Variants in PLK5 observed in about 807,000 individuals in gnomAD.
The protein encoded by PLK5 is polo like kinase 5 (inactive), also known as inactive serine/threonine-protein kinase PLK5.
Under a neutral mutation model 33.7 loss-of-function variants are expected in PLK5, and 28 were observed. That is an observed-to-expected ratio of 0.83 (90% CI 0.62 to 1.14). The LOEUF is 1.14. Among genes scored for constraint, PLK5 ranks in the 50% most tolerant of loss-of-function variants. The pLI is 0.00. For synonymous variants in PLK5, 225 were observed against 202.2 expected, an observed-to-expected ratio of 1.11 and a Z score of -0.96; for missense variants, 492 against 461.5, an observed-to-expected ratio of 1.07 and a Z score of -0.61.
At chr19:1,529,176 C>T (rs542761191) in intron 9 of PLK5, 10 of 647,004 alleles carry the variant, frequency 1.5e-5, no homozygotes, top group East Asian at 2.8e-5. Context: ...TCCCAAGGGC[C>T]GGGCTCGAGG....
At chr19:1,532,901 C>T (rs960962513) in intron 12 of PLK5, among the ~76,000 whole-genome samples, 25 of 150,588 alleles carry the variant, frequency 1.7e-4, no homozygotes, top group African/African-American at 2.2e-4. Flanking sequence ...CTCCTGACCT[C>T]GTGATCTGCC....
In PLK5 at chr19:1,531,836, G is replaced by A. The variant is rs1356110623; in HGVS notation, c.667G>A (p.Gly223Arg). 13 of 1,532,584 alleles carry A rather than the reference G, an allele frequency of 8.5e-6. No individual in the cohort carries two copies. The highest frequency in any genetic ancestry group is 1.7e-4 in the Middle Eastern group (1 of 5,974). 94.9% of individuals were successfully genotyped at this position (1,532,584 alleles called of 1,614,324 possible). A position where few individuals can be genotyped will look rare whatever the true frequency, so the allele number is the denominator to read the frequency against. ...KYGFGYQLLDGGRTGRHPHGP... is the reference protein window; with the variant it reads ...KYGFGYQLLDRGRTGRHPHGP... Reference sequence around the variant, plus strand: ...CGGCTTTGGCTACCAGCTCTTGGACGGGGGGCGCACGGGACGGCACCCACA... The same window carrying A: ...CGGCTTTGGCTACCAGCTCTTGGACAGGGGGCGCACGGGACGGCACCCACA... The change falls in exon 12 of 14, where the codon GGG becomes AGG. Residue 223 changes from glycine (G) to arginine (R), a missense_variant. Physicochemically the swap from Gly to Arg is moderately radical, Grantham distance 125. Coordinates refer to ENST00000454744, the MANE Select transcript of PLK5 (RefSeq NM_001243079.2).
At chr19:1,534,935 G>A (rs1914050654) in intron 13 of PLK5, 130 bp from the exon 14 acceptor site, 3 of 839,198 alleles carry the variant, frequency 3.6e-6, no homozygotes, top group East Asian at 5.9e-5. Context: ...AGTTCCTGTG[G>A]CTGGGGCAGG....
rs372006841 is a variant in PLK5 at position 1,531,812 on chromosome 19, G to A, written c.643G>A (p.Gly215Ser). 1.9e-5 allele frequency: 29 copies of A among 1,535,088 alleles called. No homozygotes were observed. The African/African-American group carries it at 2.5e-4, about 13-fold the overall frequency. The change falls in exon 12 of 14, where the codon GGC (glycine) becomes AGC (serine). Residue 215 changes from glycine (G) to serine (S), a missense_variant. Gly to Ser is a moderately conservative substitution (Grantham distance 56). Coordinates refer to ENST00000454744, the MANE Select transcript of PLK5 (RefSeq NM_001243079.2). ...PKWVDYSSKY[G>S]FGYQLLDGGR... is the part of the protein sequence containing the mutation. ...ATGGGTGGATTATTCCAGCAAATACGGCTTTGGCTACCAGCTCTTGGACGG... is the reference window on the plus strand; with the variant it reads ...ATGGGTGGATTATTCCAGCAAATACAGCTTTGGCTACCAGCTCTTGGACGG...
chr19:1,527,404 C>G (rs1021295626), intron 6 of PLK5, among the ~76,000 whole-genome samples: 2 of 151,992 alleles, frequency 1.3e-5, no homozygotes, highest in African/African-American at 4.8e-5. Flanking sequence ...GAGTTCAAGA[C>G]CAGCCTGGCC....
intron 12 of PLK5, among the ~76,000 whole-genome samples, chr19:1,533,383 GC>G (rs1568254987): frequency 6.6e-6 from 1 of 152,164 alleles, no homozygotes; most frequent in African/African-American, 2.4e-5. Context: ...GAGCCACCGC[GC>G]CCGGCCTTAA....
rs1269495364 is a variant in PLK5 at position 1,528,296 on chromosome 19, C to T, written c.202-6C>T. On this transcript the variant is annotated splice_polypyrimidine_tract_variant and splice_region_variant and intron_variant, in intron 7 of 13. Coordinates refer to ENST00000454744, the MANE Select transcript of PLK5 (RefSeq NM_001243079.2). ...GCCGGGGATAACCCCAAATCCCCAT[C>T]CAAAGGGTTTCACTCCAGACCGGCT... 1 of 1,535,914 alleles carries T rather than the reference C, an allele frequency of 6.5e-7. No individual in the cohort carries two copies. The highest frequency in any genetic ancestry group is 8.7e-7 in the Non-Finnish European group (1 of 1,146,804).
At chr19:1,532,022 G>C (rs888803089) in intron 12 of PLK5, 139 bp downstream of exon 12, 4 of 983,272 alleles carry the variant, frequency 4.1e-6, no homozygotes, top group Non-Finnish European at 5.5e-6. Context: ...AACACTAAAC[G>C]AATCAGCAAG....
At chr19:1,529,109 C>T (rs1258184526) in intron 9 of PLK5, 135 bp downstream of exon 9, 14 of 749,604 alleles carry the variant, frequency 1.9e-5, no homozygotes, top group South Asian at 7.7e-5. Flanking sequence ...CCCCTAGTCC[C>T]GTCCTGACGC....
rs1913742634 is a variant in PLK5, at chr19:1,526,479, C to A, written c.-312-7C>A. ...CCTTCTAATCCGGGGCCGCTGGTCA[C>A]CCACAGTCTTTGGCCCACGTGCTGA... On this transcript the variant is annotated splice_polypyrimidine_tract_variant and splice_region_variant and intron_variant, in intron 3 of 13. Coordinates refer to ENST00000454744, the MANE Select transcript of PLK5 (RefSeq NM_001243079.2). The A allele has an allele frequency of 6.8e-5, 17 of 248,766 alleles. 1 individual carries two copies. Among genetic ancestry groups the A allele is most frequent in the South Asian group, 6.3e-4 (17 of 27,082 alleles). The allele number at this position is 248,766 out of a possible 1,614,324, so 15.4% of individuals were successfully genotyped here.
intron 11 of PLK5, among the ~76,000 whole-genome samples, chr19:1,531,174 G>A (rs945194620): frequency 4.6e-5 from 7 of 152,040 alleles, no homozygotes; most frequent in African/African-American, 1.7e-4. Flanking sequence ...ACTTTGGGAG[G>A]CTGAAGCAGG....
In PLK5 at chr19:1,527,976, C is replaced by G; in HGVS notation, c.43C>G (p.Pro15Ala). Residue 15 changes from proline (P) to alanine (A), a missense_variant, in exon 7 of 14, where the codon CCC becomes GCC. Coordinates refer to ENST00000454744, the MANE Select transcript of PLK5 (RefSeq NM_001243079.2). ...TGGCACCCCACCCTTCATGGCCTCA[C>G]CCCTGTCGGAGATGTACCAAAACAT... ...LTGTPPFMASPLSEMYQNIRE... is the reference protein window; with the variant it reads ...LTGTPPFMASALSEMYQNIRE... 1 of 1,536,090 alleles carries G rather than the reference C, an allele frequency of 6.5e-7. No individual in the cohort carries two copies. Among genetic ancestry groups the G allele is most frequent in the Non-Finnish European group, 8.7e-7 (1 of 1,146,848 alleles).
At chr19:1,529,329 A>C (rs1913854059) in intron 9 of PLK5, 77 bp from the exon 10 acceptor site, 2 of 1,301,984 alleles carry the variant, frequency 1.5e-6, no homozygotes, top group Non-Finnish European at 2.1e-6. Context: ...GGCAGGGGCC[A>C]GAGCCTGCCA....
chr19:1,534,046 G>T lies in PLK5; in HGVS notation c.825+5G>T. ...TTCAGCAATGGGATGGTGCAGGTGA[G>T]CCCGGGGCTCAAACTCGGGGCACTG... On this transcript the variant is annotated splice_donor_5th_base_variant and intron_variant, in intron 13 of 13. Transcript: ENST00000454744. The T allele has an allele frequency of 1.3e-6, 2 of 1,534,552 alleles. No homozygotes were observed. The highest frequency in any genetic ancestry group is 2.4e-5 in the South Asian group (2 of 83,984).
intron 6 of PLK5, 40 bp from the exon 7 acceptor site, chr19:1,527,896 A>G: frequency 6.6e-7 from 1 of 1,515,142 alleles, no homozygotes; most frequent in East Asian, 2.5e-5. Context: ...GCTCTGAGCG[A>G]TGCCTGGACA....
At position 1,534,274 on chromosome 19, in the gene PLK5, C is replaced by T. The variant is rs375728814; in HGVS notation, c.825+233C>T. Among the ~76,000 whole-genome samples, 46 of 152,158 alleles carry T rather than the reference C, an allele frequency of 3.0e-4. 1 individual carries two copies. The South Asian group carries it at 4.1e-3, about 14-fold the overall frequency. ...CTCTAATCCCAGTGCTTTGGGAGGC[C>T]GAGGCGGGCAGATCGCAAGGTGAAG... On this transcript the variant is annotated intron_variant, in intron 13 of 13. Transcript: ENST00000454744.
At chr19:1,534,506 CAAA>C (rs34568711) in intron 13 of PLK5, among the ~76,000 whole-genome samples, 35 of 86,688 alleles carry the variant, frequency 4.0e-4, no homozygotes, top group African/African-American at 7.5e-4. Flanking sequence ...GACTTCGTCT[CAAA>C]AAAAAAAAAA....
At position 1,535,251 on chromosome 19, in the gene PLK5, T is replaced by C. The variant is rs1914064531; in HGVS notation, c.*1T>C. Reference sequence around the variant, plus strand: ...CCTCCGCATGCTGCAGAGTATCTAGTGCCCCTGAGGGTCAGAGTGGACCCC... The same window carrying C: ...CCTCCGCATGCTGCAGAGTATCTAGCGCCCCTGAGGGTCAGAGTGGACCCC... On this transcript the variant is annotated 3_prime_UTR_variant, in exon 14 of 14. Coordinates refer to ENST00000454744, the MANE Select transcript of PLK5 (RefSeq NM_001243079.2). 1 of 1,534,904 alleles carries C rather than the reference T, an allele frequency of 6.5e-7. No individual in the cohort carries two copies. The highest frequency in any genetic ancestry group is 8.7e-7 in the Non-Finnish European group (1 of 1,146,244).
Position 1,529,810 on chromosome 19 carries a change from A to G in PLK5, c.554A>G (p.Asp185Gly). ...CTCAGACACCTGCAGCTGTGCCTGG[A>G]TGTAGGCCCCCCGGGTAGGAGCCGG... ...AALRHLQLCLDVGPPATQDPL... is the reference protein window; with the variant it reads ...AALRHLQLCLGVGPPATQDPL... The change falls in exon 11 of 14, where the codon GAT (aspartate) becomes GGT (glycine). Residue 185 changes from aspartate (D) to glycine (G), a missense_variant. Physicochemically the swap from Asp to Gly is moderately conservative, Grantham distance 94. Coordinates refer to ENST00000454744, the MANE Select transcript of PLK5 (RefSeq NM_001243079.2). 6.5e-7 allele frequency: 1 copy of G among 1,535,812 alleles called. No homozygotes were observed.
Sources: allele counts gnomAD v4.1 joint callset (sites outside exome capture counted in the v4.1 genomes callset), GRCh38; gene constraint gnomAD v4.1.1; transcripts MANE v1.5; gene names NCBI Gene and HGNC (gene_info 2026-07-23, HGNC 2026-07-21).